Variants in CXADR observed in about 807,000 individuals in gnomAD.
CXADR encodes CXADR cell adhesion molecule.
In CXADR, 20 loss-of-function variants were observed where a neutral mutation model predicts 40.3. The ratio of observed to expected loss-of-function variants is 0.50; its 90% confidence interval spans 0.35 to 0.72. The LOEUF (loss-of-function observed/expected upper bound fraction) is 0.72. CXADR is among the 30% of genes least tolerant of loss of function. CXADR has a pLI of 0.01. For missense variants in CXADR, 332 were observed against 449.1 expected (o/e 0.74, Z 2.36); for synonymous variants, 150 against 161.3 (o/e 0.93, Z 0.53).
chr21:17,534,138 C>T (rs2060722866), intron 1 of CXADR, among the ~76,000 whole-genome samples: 3 of 109,600 alleles, frequency 2.7e-5, no homozygotes, highest in South Asian at 2.9e-4. Context: ...GATGGAGTCT[C>T]GCTCTGTTAC....
intron 3 of CXADR, among the ~76,000 whole-genome samples, chr21:17,558,707 GC>G (rs2061068201): frequency 6.6e-6 from 1 of 152,058 alleles, no homozygotes; most frequent in Non-Finnish European, 1.5e-5. Flanking sequence ...TTTCAGGTGT[GC>G]CCCATGAAAT....
At chr21:17,546,288 G>A (rs777286164) in intron 1 of CXADR, among the ~76,000 whole-genome samples, 61 of 152,190 alleles carry the variant, frequency 4.0e-4, no homozygotes, top group Non-Finnish European at 5.9e-4. Context: ...CTGTGTGTTT[G>A]TGGTGAGCAT....
chr21:17,556,072 C>T (rs539244873), intron 3 of CXADR, among the ~76,000 whole-genome samples: 2 of 152,216 alleles, frequency 1.3e-5, no homozygotes, highest in African/African-American at 2.4e-5. Context: ...GGTCACATAC[C>T]CATATCTGAG....
intron 1 of CXADR, among the ~76,000 whole-genome samples, chr21:17,539,937 G>A (rs1018873025): frequency 6.6e-6 from 1 of 152,150 alleles, no homozygotes; most frequent in Non-Finnish European, 1.5e-5. Context: ...TGCTCAGGCT[G>A]CCGTAACAAA....
At chr21:17,548,864 A>T (rs2060931915) in intron 2 of CXADR, among the ~76,000 whole-genome samples, 1 of 152,214 alleles carries the variant, frequency 6.6e-6, no homozygotes, top group African/African-American at 2.4e-5. Flanking sequence ...TTCTGGGTTA[A>T]AAACCTAGCT....
At chr21:17,604,287 A>G in the CXADR span, 1 of 241,740 alleles carries the variant, frequency 4.1e-6, no homozygotes. Context: ...CTACAAATAT[A>G]AAAAAAAATT....
rs117649604 is a variant in CXADR, at chr21:17,537,725, A to G, written c.44-9302A>G. Among the ~76,000 whole-genome samples the G allele has an allele frequency of 7.8e-3, 1,190 of 152,172 alleles. 64 individuals are homozygous for G. In the East Asian group the frequency reaches 0.15, roughly 20 times the overall value. ...GAAAAAAGAAAACCTTCATTCAACA[A>G]ATATTTGTTGAATGCCAAGTGCCCA... On this transcript the variant is annotated intron_variant, in intron 1 of 6. Coordinates refer to ENST00000284878, the MANE Select transcript of CXADR (RefSeq NM_001338.5).
chr21:17,610,239 A>C, the CXADR span, among the ~76,000 whole-genome samples: 3 of 152,216 alleles, frequency 2.0e-5, no homozygotes, highest in African/African-American at 7.2e-5. Context: ...ATATTTACTA[A>C]ATTTCACTAT....
intron 3 of CXADR, among the ~76,000 whole-genome samples, chr21:17,558,602 A>G (rs971975507): frequency 2.0e-5 from 3 of 152,180 alleles, no homozygotes; most frequent in Admixed American, 1.3e-4. Flanking sequence ...GTTACATGTC[A>G]GGCATGGGGA....
chr21:17,564,449 T>C (rs1406166320), intron 6 of CXADR, among the ~76,000 whole-genome samples: 1 of 152,072 alleles, frequency 6.6e-6, no homozygotes, highest in Non-Finnish European at 1.5e-5. Flanking sequence ...TAAATAATTG[T>C]TATAATGTAT....
the CXADR span, among the ~76,000 whole-genome samples, chr21:17,631,680 AT>A: frequency 2.6e-5 from 4 of 152,218 alleles, no homozygotes; most frequent in Non-Finnish European, 5.9e-5. Context: ...AGTATTAATG[AT>A]TTTAGCTTTC....
downstream of CXADR, among the ~76,000 whole-genome samples, chr21:17,595,801 T>C (rs1378092259): frequency 6.6e-6 from 1 of 152,040 alleles, no homozygotes; most frequent in Non-Finnish European, 1.5e-5. Flanking sequence ...AAATATTTAA[T>C]ACTTAGGAGT....
intron 1 of CXADR, among the ~76,000 whole-genome samples, chr21:17,519,938 GAC>G (rs1286642908): frequency 5.9e-5 from 9 of 151,874 alleles, no homozygotes; most frequent in African/African-American, 2.2e-4. Context: ...CAGCCTGGGT[GAC>G]AGAGCGAGAC....
intron 7 of CXADR, among the ~76,000 whole-genome samples, chr21:17,576,213 G>T (rs2061321691): frequency 6.6e-6 from 1 of 152,130 alleles, no homozygotes; most frequent in South Asian, 2.1e-4. Context: ...TAGGCTGTTG[G>T]CAGGGAGCTA....
At chr21:17,593,305 C>A in exon 8 of CXADR, 1 of 980,378 alleles carries the variant, frequency 1.0e-6, no homozygotes, top group Non-Finnish European at 1.3e-6. Context: ...ATTAGAGCAG[C>A]TGTAAGAACA....
At chr21:17,550,771 AGCC>A (rs1328258650) in intron 2 of CXADR, among the ~76,000 whole-genome samples, 18 of 152,368 alleles carry the variant, frequency 1.2e-4, no homozygotes, top group African/African-American at 4.1e-4. Flanking sequence ...TAAAGCATCC[AGCC>A]TTTAGTAATT....
intron 1 of CXADR, chr21:17,519,018 A>T (rs2060495639): frequency 3.9e-6 from 6 of 1,550,058 alleles, no homozygotes; most frequent in Non-Finnish European, 4.4e-6. Flanking sequence ...TGAAGCAGGG[A>T]GGGTCCTCCA....
the CXADR span, among the ~76,000 whole-genome samples, chr21:17,635,405 C>T: frequency 1.4e-4 from 22 of 151,972 alleles, no homozygotes; most frequent in Admixed American, 3.9e-4. Flanking sequence ...GTAAATTTAC[C>T]ACAATATTAA....
At chr21:17,559,238 A>G (rs1403404205) in intron 4 of CXADR, 107 bp downstream of exon 4, 22 of 1,153,666 alleles carry the variant, frequency 1.9e-5, no homozygotes, top group Non-Finnish European at 2.7e-5. Flanking sequence ...ACCCAGGCTC[A>G]CTGCAATCAC....
Sources: gnomAD v4.1 joint callset for allele counts (sites outside exome capture counted in the v4.1 genomes callset) on GRCh38, gnomAD v4.1.1 for gene constraint, MANE v1.5 for transcripts, NCBI Gene and HGNC (gene_info 2026-07-23, HGNC 2026-07-21) for gene names.